Variants in RPS6KA2 observed in about 807,000 individuals in gnomAD.
RPS6KA2 encodes ribosomal protein S6 kinase A2, also known as ribosomal protein S6 kinase alpha-2.
Under a neutral mutation model 91.8 loss-of-function variants are expected in RPS6KA2, and 42 were observed. The observed-to-expected ratio is 0.46, with a 90% CI of 0.36 to 0.59. RPS6KA2 has a LOEUF of 0.59. RPS6KA2 is among the 20% of genes least tolerant of loss of function. The pLI, the probability that RPS6KA2 is intolerant of heterozygous loss-of-function variation, is 0.00. For missense variants in RPS6KA2, 798 were observed against 978.5 expected (o/e 0.82, Z 2.46); for synonymous variants, 414 against 393.6 (o/e 1.05, Z -0.61).
intron 2 of RPS6KA2, among the ~76,000 whole-genome samples, chr6:166,681,193 C>T (rs945906354): frequency 2.6e-5 from 4 of 152,154 alleles, no homozygotes; most frequent in Admixed American, 1.3e-4. Flanking sequence ...GAAGGATGTA[C>T]CAAAACTGCA....
chr6:166,481,781 G>A (rs1299882346), intron 10 of RPS6KA2, among the ~76,000 whole-genome samples: 1 of 150,916 alleles, frequency 6.6e-6, no homozygotes, highest in Non-Finnish European at 1.5e-5. Flanking sequence ...ACAGAGTGGA[G>A]GCCTCTGCTG....
Position 166,704,512 on chromosome 6 carries a change from G to A in RPS6KA2, c.123+153688C>T, listed in dbSNP as rs576920880. 2.5e-4 allele frequency among the ~76,000 whole-genome samples: 38 copies of A among 152,336 alleles called. 1 individual carries two copies. The South Asian group carries it at 7.0e-3, about 28-fold the overall frequency. On this transcript the variant is annotated intron_variant, in intron 2 of 21. Transcript: ENST00000503859. The stretch of plus-strand genomic sequence containing the variant: ...TGATGCACTCACGTTTTAAGTCACC[G>A]TGTAACAGCAGGTCTGTGCTATAAC...
intron 1 of RPS6KA2, among the ~76,000 whole-genome samples, chr6:166,550,483 A>AT (rs1331035311): frequency 6.6e-6 from 1 of 152,196 alleles, no homozygotes; most frequent in East Asian, 1.9e-4. Flanking sequence ...AGCTATTAAC[A>AT]TTTTTTATAC....
intron 2 of RPS6KA2, among the ~76,000 whole-genome samples, chr6:166,853,993 C>T (rs1380331211): frequency 6.6e-6 from 1 of 152,224 alleles, no homozygotes; most frequent in African/African-American, 2.4e-5. Flanking sequence ...TATACTGAGC[C>T]CCTTCAAGTA....
chr6:166,823,434 A>AGTGTGTGTGTGT lies in RPS6KA2; in HGVS notation c.123+34754_123+34765dup, dbSNP rs56187218. On this transcript the variant is annotated intron_variant, in intron 2 of 21. Coordinates refer to the RPS6KA2 transcript ENST00000503859. ...TTGTTATGCACTGTATTGGTTTTGC[A>AGTGTGTGTGTGT]GTGTGTGTGTGTGTGTGTGTGTGTG... is the stretch of plus-strand genomic sequence containing the variant. Among the ~76,000 whole-genome samples the AGTGTGTGTGTGT allele has an allele frequency of 6.1e-5, 9 of 148,092 alleles. No homozygotes were observed. In the South Asian group the frequency reaches 1.5e-3, roughly 25 times the overall value.
At chr6:166,582,419 C>T (rs1228063423) in intron 1 of RPS6KA2, among the ~76,000 whole-genome samples, 1 of 152,204 alleles carries the variant, frequency 6.6e-6, no homozygotes, top group Non-Finnish European at 1.5e-5. Context: ...TATACTAACC[C>T]ATCACGCTGA....
At chr6:166,414,148 T>TTTATC (rs1203125360) in intron 19 of RPS6KA2, among the ~76,000 whole-genome samples, 3 of 152,226 alleles carry the variant, frequency 2.0e-5, no homozygotes, top group East Asian at 1.9e-4. Flanking sequence ...TCACTGAAGG[T>TTTATC]TTATCTTTTA....
intron 2 of RPS6KA2, among the ~76,000 whole-genome samples, chr6:166,783,838 ACCTATCTATACCACATATGCACACG>A (rs2128611432): frequency 1.3e-5 from 1 of 76,426 alleles, no homozygotes; most frequent in East Asian, 5.4e-4. Context: ...ACACGTGCAC[ACCTATCTATACCACATATGCACACG>A]TGCACACCTA....
At chr6:166,538,496 G>A (rs1783550469) in intron 2 of RPS6KA2, among the ~76,000 whole-genome samples, 172 bp downstream of exon 2, 1 of 152,154 alleles carries the variant, frequency 6.6e-6, no homozygotes, top group South Asian at 2.1e-4. Context: ...CCAGCCCTGT[G>A]CCACTGGAAT....
intron 2 of RPS6KA2, among the ~76,000 whole-genome samples, chr6:166,829,589 CAAAAAAAA>C (rs57711560): frequency 1.2e-3 from 119 of 96,900 alleles, no homozygotes; most frequent in Non-Finnish European, 2.0e-3. Context: ...GACTCTGTCT[CAAAAAAAA>C]AAAAAAAAAA....
At chr6:166,575,307 T>G (rs1223317975) in intron 1 of RPS6KA2, among the ~76,000 whole-genome samples, 9 of 152,034 alleles carry the variant, frequency 5.9e-5, no homozygotes, top group Admixed American at 4.6e-4. Flanking sequence ...GCTCAGGGAG[T>G]ACGGGGGAGC....
At chr6:166,553,274 A>G (rs1784072979) in intron 1 of RPS6KA2, among the ~76,000 whole-genome samples, 2 of 152,082 alleles carry the variant, frequency 1.3e-5, no homozygotes. Context: ...AAGTGACACC[A>G]TGCCCGGCTA....
At chr6:166,822,794 A>AATGAATGAATGAATGAATGAATGAATGC (rs1779936248) in intron 2 of RPS6KA2, among the ~76,000 whole-genome samples, 1 of 148,052 alleles carries the variant, frequency 6.8e-6, no homozygotes, top group East Asian at 1.9e-4. Flanking sequence ...TTTTCCAATG[A>AATGAATGAATGAATGAATGAATGAATGC]ATGAATGAAT....
intron 2 of RPS6KA2, among the ~76,000 whole-genome samples, chr6:166,731,523 C>G (rs1790518586): frequency 6.6e-6 from 1 of 152,088 alleles, no homozygotes; most frequent in South Asian, 2.1e-4. Context: ...CTGTTTCTTT[C>G]TGCTTGCCAA....
intron 2 of RPS6KA2, among the ~76,000 whole-genome samples, chr6:166,857,894 A>C (rs896786455): frequency 6.6e-6 from 1 of 152,216 alleles, no homozygotes; most frequent in Non-Finnish European, 1.5e-5. Context: ...GGCCTCCTTG[A>C]CTGGTACTAA....
chr6:166,473,229 C>T (rs946081540), intron 10 of RPS6KA2, among the ~76,000 whole-genome samples: 1 of 151,888 alleles, frequency 6.6e-6, no homozygotes, highest in African/African-American at 2.4e-5. Context: ...TTCATTCTGT[C>T]GCCCAGGCTG....
At chr6:166,458,806 T>A (rs1026539888) in intron 12 of RPS6KA2, among the ~76,000 whole-genome samples, 1 of 152,198 alleles carries the variant, frequency 6.6e-6, no homozygotes, top group African/African-American at 2.4e-5. Context: ...AACCACACAG[T>A]CTGTAGTATT....
At chr6:166,741,454 A>G (rs1331186562) in intron 2 of RPS6KA2, among the ~76,000 whole-genome samples, 1 of 152,246 alleles carries the variant, frequency 6.6e-6, no homozygotes, top group African/African-American at 2.4e-5. Flanking sequence ...GCACTTTCCT[A>G]TATTTAATTT....
chr6:166,861,375 C>T lies in RPS6KA2; in HGVS notation c.63+733G>A, dbSNP rs80350003. Among the ~76,000 whole-genome samples, 451 of 152,066 alleles carry T rather than the reference C, an allele frequency of 3.0e-3. 4 individuals are homozygous for T. The highest frequency in any genetic ancestry group is 9.5e-3 in the African/African-American group (396 of 41,482). On this transcript the variant is annotated intron_variant, in intron 1 of 21. Transcript: ENST00000503859. Reference sequence around the variant, plus strand: ...CAGGTATATCTAATAATTTAGTAGACGTTAATAAATTTGGGGAACTTTCTC... The same window carrying T: ...CAGGTATATCTAATAATTTAGTAGATGTTAATAAATTTGGGGAACTTTCTC...
Sources: allele counts gnomAD v4.1 joint callset (sites outside exome capture counted in the v4.1 genomes callset), GRCh38; gene constraint gnomAD v4.1.1; transcripts MANE v1.5; gene names NCBI Gene and HGNC (gene_info 2026-07-23, HGNC 2026-07-21).